CXXC1: variants seen among roughly 807,000 people sequenced by gnomAD.
The protein encoded by CXXC1 is CXXC finger protein 1, also known as CXXC-type zinc finger protein 1.
A neutral mutation model predicts 83.6 loss-of-function variants in CXXC1; 21 were observed. The observed-to-expected ratio is 0.25, with a 90% CI of 0.18 to 0.36. The LOEUF is 0.36. Among genes scored for constraint, CXXC1 ranks in the 10% least tolerant of loss-of-function variants. The pLI, the probability that CXXC1 is intolerant of heterozygous loss-of-function variation, is 1.00. For missense variants in CXXC1, 688 were observed against 919.5 expected (o/e 0.75, Z 3.26); for synonymous variants, 371 against 337.5 (o/e 1.10, Z -1.09).
chr18:50,284,494 C>G lies in CXXC1; in HGVS notation c.1089G>C (p.Arg363Ser). 7 of 1,609,434 alleles carry G rather than the reference C, an allele frequency of 4.3e-6. No homozygotes were observed. The highest frequency in any genetic ancestry group is 5.9e-6 in the Non-Finnish European group (7 of 1,177,744). ...GTGACGCAGGGTCCTTGGCATCAGC[C>G]CTCTCTGGGTGTTTCCATTTATCCT... ...KHKDKWKHPE[R>S]ADAKDPASLP... The change falls in exon 9 of 15, where the codon AGG (arginine) becomes AGC (serine). Residue 363 changes from arginine (R) to serine (S), a missense_variant. This residue lies in a region of CXXC1 where 190 missense variants were observed against 199.7 expected (regional missense o/e 0.95). Transcript: ENST00000285106.
Position 50,283,528 on chromosome 18 carries a change from T to G in CXXC1, c.1561A>C (p.Thr521Pro). ...ACCCTCACTTACCCTTCAATGCGTG[T>G]GGGGTACATGGACCCAAAGGACGTC... ...SQTSFGSMYP[T>P]RIEGATRLFC... Residue 521 changes from threonine to proline, a missense_variant, in exon 12 of 15, where the codon ACA becomes CCA. Thr to Pro is a conservative substitution (Grantham distance 38). Around this residue, in one of 9 missense-constraint regions of CXXC1, gnomAD observed 114 missense variants for 173.3 expected, o/e 0.66. Transcript: ENST00000285106. 6.2e-7 allele frequency: 1 copy of G among 1,613,658 alleles called. No homozygotes were observed. The highest frequency in any genetic ancestry group is 8.5e-7 in the Non-Finnish European group (1 of 1,179,864).
chr18:50,286,639 G>A lies in CXXC1; in HGVS notation c.123C>T (p.Ile41=). Residue 41 remains isoleucine (I), a splice_region_variant and synonymous_variant, in exon 3 of 15, where the codon ATC becomes ATT. Coordinates refer to ENST00000285106, the MANE Select transcript of CXXC1 (RefSeq NM_014593.4). ...CRKPDINCFM[I]GCDNCNEWFH... is the part of the protein sequence containing the mutation. ...ACCACTCATTGCAGTTGTCACACCC[G>A]CTGCAGAGGATGGGGCAGGCGATGG... 1 of 1,613,718 alleles carries A rather than the reference G, an allele frequency of 6.2e-7. No homozygotes were observed. The highest frequency in any genetic ancestry group is 8.5e-7 in the Non-Finnish European group (1 of 1,179,630).
Position 50,286,854 on chromosome 18 carries a change from C to A in CXXC1, c.8G>T (p.Gly3Val), listed in dbSNP as rs1244283878. The A allele has an allele frequency of 6.2e-7, 1 of 1,610,524 alleles. No homozygotes were observed. Among genetic ancestry groups the A allele is most frequent in the Admixed American group, 1.7e-5 (1 of 60,018 alleles). Residue 3 changes from glycine to valine, a missense_variant, in exon 2 of 15, where the codon GGA becomes GTA. This residue lies in a region of CXXC1 where 51 missense variants were observed against 48.0 expected (regional missense o/e 1.06). Coordinates refer to ENST00000285106, the MANE Select transcript of CXXC1 (RefSeq NM_014593.4). ...TGGAGGCTCTGGGTCTGAACCATCT[C>A]CCTCCTGCAGGACACCCCCATTACG... ME[G>V]DGSDPEPPDA... is the part of the protein sequence containing the mutation.
chr18:50,283,590 G>A (rs763853007), intron 11 of CXXC1, 26 bp from the exon 12 acceptor site: 4 of 1,613,666 alleles, frequency 2.5e-6, no homozygotes, highest in Middle Eastern at 1.6e-4. Context: ...CAAATGGAGG[G>A]AACTGTGGAT....
In CXXC1 at chr18:50,282,934, G is replaced by A; in HGVS notation, c.1744C>T (p.Leu582=). 1 of 1,614,218 alleles carries A rather than the reference G, an allele frequency of 6.2e-7. No homozygotes were observed. The highest frequency in any genetic ancestry group is 1.1e-5 in the South Asian group (1 of 91,086). Residue 582 remains leucine (L), a synonymous_variant, in exon 14 of 15, where the codon CTG becomes TTG. Coordinates refer to ENST00000285106, the MANE Select transcript of CXXC1 (RefSeq NM_014593.4). This position sits in a 1 kb window ranked among gnomAD's most constrained non-coding sequence, Gnocchi z 5.8. ...TGGCGATTGCACTGGCGCTTGGGCA[G>A]GCGGCAGAAGTCACCCGTGAGCTCA... The part of the protein sequence containing the change: ...VFELTGDFCR[L]PKRQCNRHYC...
In CXXC1 at chr18:50,282,983, C is replaced by G; in HGVS notation, c.1695G>C (p.Gly565=). ...CAAAGACATCACGTACAAGGGGGCA[C>G]CCGCATACCTCGTCAGCTGGCACCT... ...DPKVPADEVC[G]CPLVRDVFEL... is the part of the protein sequence containing the mutation. The change falls in exon 14 of 15, where the codon GGG becomes GGC. Residue 565 remains glycine, a synonymous_variant. Coordinates refer to ENST00000285106, the MANE Select transcript of CXXC1 (RefSeq NM_014593.4). The surrounding 1 kb of genome is among the most constrained non-coding windows in gnomAD (Gnocchi z 5.8). 2.5e-6 allele frequency: 4 copies of G among 1,614,084 alleles called. No individual in the cohort carries two copies. Among genetic ancestry groups the G allele is most frequent in the Non-Finnish European group, 3.4e-6 (4 of 1,180,034 alleles).
intron 1 of CXXC1, 193 bp from the exon 2 acceptor site, chr18:50,287,051 C>T: frequency 3.4e-6 from 2 of 593,670 alleles, no homozygotes; most frequent in Middle Eastern, 4.5e-4. Flanking sequence ...TACTCTGCTC[C>T]ATACTTCCCA....
chr18:50,284,655 C>A, intron 8 of CXXC1, 77 bp downstream of exon 8: 1 of 1,609,152 alleles, frequency 6.2e-7, no homozygotes. Flanking sequence ...GGCTCTTGCC[C>A]CATTCAGCCT....
chr18:50,284,652 G>A, intron 8 of CXXC1, 80 bp downstream of exon 8: 1 of 1,607,704 alleles, frequency 6.2e-7, no homozygotes, highest in Non-Finnish European at 8.5e-7. Flanking sequence ...TCTGGCTCTT[G>A]CCCCATTCAG....
In CXXC1 at chr18:50,286,093, C is replaced by A; in HGVS notation, c.388G>T (p.Ala130Ser). 6.2e-7 allele frequency: 1 copy of A among 1,613,976 alleles called. No homozygotes were observed. Among genetic ancestry groups the A allele is most frequent in the Non-Finnish European group, 8.5e-7 (1 of 1,179,966 alleles). Residue 130 changes from alanine (A) to serine (S), a missense_variant, in exon 4 of 15, where the codon GCC (alanine) becomes TCC (serine). Around this residue, in one of 9 missense-constraint regions of CXXC1, gnomAD observed 142 missense variants for 150.7 expected, o/e 0.94. Coordinates refer to ENST00000285106, the MANE Select transcript of CXXC1 (RefSeq NM_014593.4). ...RRAGSGTGVGAMLARGSASPH... is the reference protein window; with the variant it reads ...RRAGSGTGVGSMLARGSASPH... ...GAAGCAGAGCCCCGAGCAAGCATGG[C>A]CCCAACCCCTGTCCCTGACCCTGCC...
chr18:50,284,527 C>G lies in CXXC1; in HGVS notation c.1056G>C (p.Gln352His). ...GGTGTTTCCATTTATCCTTGTGCTT[C>G]TGCTTCTGCCGATGCCGCTTGTATC... is the stretch of plus-strand genomic sequence containing the variant. ...EERYKRHRQK[Q>H]KHKDKWKHPE... The change falls in exon 9 of 15, where the codon CAG becomes CAC. Residue 352 changes from glutamine to histidine, a missense_variant. By Grantham distance (24) the Gln-to-His change is conservative. Coordinates refer to ENST00000285106, the MANE Select transcript of CXXC1 (RefSeq NM_014593.4). 2 of 1,596,606 alleles carry G rather than the reference C, an allele frequency of 1.3e-6. No homozygotes were observed. The highest frequency in any genetic ancestry group is 1.7e-6 in the Non-Finnish European group (2 of 1,170,626).
rs2040710806 is a variant in CXXC1 at position 50,286,176 on chromosome 18, G to A, written c.305C>T (p.Pro102Leu). ...CTTGCGCCCTCCACCCTCATCCCGGGGCTCACTGCTGTCCCGCTCATTGCC... is the reference window on the plus strand; with the variant it reads ...CTTGCGCCCTCCACCCTCATCCCGGAGCTCACTGCTGTCCCGCTCATTGCC... ...RDGNERDSSEPRDEGGGRKRP... is the reference protein window; with the variant it reads ...RDGNERDSSELRDEGGGRKRP... The change falls in exon 4 of 15, where the codon CCC (proline) becomes CTC (leucine). Residue 102 changes from proline (P) to leucine (L), a missense_variant. Pro to Leu is a moderately conservative substitution (Grantham distance 98). Transcript: ENST00000285106. 1.9e-6 allele frequency: 3 copies of A among 1,613,774 alleles called. No homozygotes were observed. Among genetic ancestry groups the A allele is most frequent in the Non-Finnish European group, 2.5e-6 (3 of 1,179,984 alleles).
chr18:50,287,456 A>G (rs2040733502), intron 1 of CXXC1, 131 bp downstream of exon 1: 1 of 1,127,126 alleles, frequency 8.9e-7, no homozygotes, highest in South Asian at 1.3e-5. Context: ...CATTCTGCCC[A>G]TAGACTCCCG....
chr18:50,285,030 C>T lies in CXXC1; in HGVS notation c.884G>A (p.Cys295Tyr), dbSNP rs2149298591. 2 of 1,614,268 alleles carry T rather than the reference C, an allele frequency of 1.2e-6. No individual in the cohort carries two copies. Among genetic ancestry groups the T allele is most frequent in the East Asian group, 2.2e-5 (1 of 44,878 alleles). ...PLDPDLYQDF[C>Y]AGAFDDHGLP... Reference sequence around the variant, plus strand: ...GCCATGGTCATCAAAGGCCCCTGCACAGAAGTCCTGATACAGGTCAGGATC... The same window carrying T: ...GCCATGGTCATCAAAGGCCCCTGCATAGAAGTCCTGATACAGGTCAGGATC... Residue 295 changes from cysteine (C) to tyrosine (Y), a missense_variant, in exon 7 of 15, where the codon TGT (cysteine) becomes TAT (tyrosine). Around this residue, in one of 9 missense-constraint regions of CXXC1, gnomAD observed 190 missense variants for 199.7 expected, o/e 0.95. Transcript: ENST00000285106. This position sits in a 1 kb window ranked among gnomAD's most constrained non-coding sequence, Gnocchi z 4.4.
At chr18:50,286,486 C>T (rs973761486) in intron 3 of CXXC1, 53 bp downstream of exon 3, 2 of 1,484,380 alleles carry the variant, frequency 1.3e-6, no homozygotes, top group Admixed American at 1.7e-5. Flanking sequence ...CTTGTGGCTC[C>T]TCCTCCTCCC....
rs768332386 is a variant in CXXC1 at position 50,285,999 on chromosome 18, A to G, written c.459+23T>C. On this transcript the variant is annotated intron_variant, in intron 4 of 14. Coordinates refer to ENST00000285106, the MANE Select transcript of CXXC1 (RefSeq NM_014593.4). This position sits in a 1 kb window ranked among gnomAD's most constrained non-coding sequence, Gnocchi z 4.4. ...TGAAACGGAACCACTTTACACATCC[A>G]TTCACTTTATGCAGCCACTCACCTG... is the stretch of plus-strand genomic sequence containing the variant. 6 of 1,613,808 alleles carry G rather than the reference A, an allele frequency of 3.7e-6. No homozygotes were observed. In the South Asian group the frequency reaches 5.5e-5, roughly 15 times the overall value.
At chr18:50,287,097 A>G (rs1037524222) in intron 1 of CXXC1, 10 of 549,300 alleles carry the variant, frequency 1.8e-5, no homozygotes, top group African/African-American at 5.9e-5. Context: ...CTGCGTCCAC[A>G]CTCGCTAATG....
In CXXC1 at chr18:50,285,310, G is replaced by A. The variant is rs371542407; in HGVS notation, c.666+15C>T. On this transcript the variant is annotated intron_variant, in intron 6 of 14. Transcript: ENST00000285106. The surrounding 1 kb of genome is among the most constrained non-coding windows in gnomAD (Gnocchi z 4.4). ...TGCCCGCATGCCCCACCCCACCCTG[G>A]GGGGCTGGACTCACCGAGGAAGGGA... The A allele has an allele frequency of 1.9e-6, 3 of 1,608,656 alleles. No individual in the cohort carries two copies. The highest frequency in any genetic ancestry group is 2.2e-5 in the South Asian group (2 of 90,480).
At chr18:50,284,931 C>G in intron 7 of CXXC1, 71 bp downstream of exon 7, 1 of 1,612,256 alleles carries the variant, frequency 6.2e-7, no homozygotes, top group African/African-American at 1.3e-5. Flanking sequence ...TACCCTCTGT[C>G]TCCTCATTAG....
Sources: gnomAD v4.1 joint callset for allele counts on GRCh38, gnomAD v4.1.1 for gene constraint, gnomAD v4.1.1 regional missense constraint, Gnocchi (gnomAD v3.1) non-coding constraint, MANE v1.5 for transcripts, NCBI Gene and HGNC (gene_info 2026-07-23, HGNC 2026-07-21) for gene names.